The following SGCZ variants were observed in gnomAD, a reference collection of about 807,000 sequenced individuals.
SGCZ encodes zeta-sarcoglycan.
SGCZ carries 40 observed loss-of-function variants against 41.3 expected under a neutral mutation model. The observed-to-expected ratio is 0.97, with a 90% confidence interval of 0.75 to 1.26. The LOEUF (loss-of-function observed/expected upper bound fraction) is 1.26. Among genes scored for constraint, SGCZ ranks in the 50% most tolerant of loss-of-function variants. The probability of loss-of-function intolerance (pLI) is 0.00; values close to 1 mark genes in which losing one functional copy is unlikely to be tolerated. For missense variants in SGCZ, 552 were observed against 369.8 expected, an observed-to-expected ratio of 1.49 and a Z score of -4.04; for synonymous variants, 206 against 137.5, an observed-to-expected ratio of 1.50 and a Z score of -3.49.
intron 1 of SGCZ, among the ~76,000 whole-genome samples, chr8:14,787,299 G>C (rs185303636): frequency 4.9e-4 from 75 of 152,172 alleles, no homozygotes; most frequent in African/African-American, 1.7e-3. Flanking sequence ...TTAGAGTTGT[G>C]CAAACCTCCC....
chr8:14,343,201 A>G (rs370242401), intron 2 of SGCZ, among the ~76,000 whole-genome samples: 1 of 152,240 alleles, frequency 6.6e-6, no homozygotes, highest in Non-Finnish European at 1.5e-5. Context: ...CAGGGCCCTC[A>G]TGGAGAACCT....
chr8:15,175,017 T>A (rs1294551404), intron 1 of SGCZ, among the ~76,000 whole-genome samples: 1 of 151,218 alleles, frequency 6.6e-6, no homozygotes, highest in African/African-American at 2.4e-5. Flanking sequence ...AAAACCTAGA[T>A]GACAACTTGA....
At chr8:14,351,588 TATAG>T (rs1803096633) in intron 2 of SGCZ, among the ~76,000 whole-genome samples, 1 of 151,292 alleles carries the variant, frequency 6.6e-6, no homozygotes, top group African/African-American at 2.4e-5. Context: ...GTATATATTA[TATAG>T]GAAATTGTGA....
intron 1 of SGCZ, among the ~76,000 whole-genome samples, chr8:14,943,204 T>C (rs1261370226): frequency 6.6e-6 from 1 of 152,126 alleles, no homozygotes; most frequent in Non-Finnish European, 1.5e-5. Flanking sequence ...TTTCCAAAGA[T>C]AGAAAACACA....
At chr8:15,073,992 G>A (rs1434547471) in intron 1 of SGCZ, among the ~76,000 whole-genome samples, 1 of 152,202 alleles carries the variant, frequency 6.6e-6, no homozygotes, top group Non-Finnish European at 1.5e-5. Context: ...AAGCAAGGAT[G>A]ATAATAGTCC....
At chr8:14,303,784 T>A (rs932381434) in intron 3 of SGCZ, among the ~76,000 whole-genome samples, 2 of 152,034 alleles carry the variant, frequency 1.3e-5, no homozygotes, top group Non-Finnish European at 2.9e-5. Context: ...TATTGATATA[T>A]ATTGTCACCC....
intron 1 of SGCZ, among the ~76,000 whole-genome samples, chr8:14,680,844 G>A (rs1297640291): frequency 6.7e-6 from 1 of 150,334 alleles, no homozygotes; most frequent in Non-Finnish European, 1.5e-5. Flanking sequence ...CAGTGTCTTA[G>A]ATGAAATATA....
chr8:14,679,418 T>G (rs1001255100), intron 1 of SGCZ, among the ~76,000 whole-genome samples: 3 of 151,866 alleles, frequency 2.0e-5, no homozygotes, highest in Admixed American at 6.6e-5. Context: ...GACAGTGACA[T>G]TGATGATCCT....
chr8:14,223,003 G>T (rs571011967), intron 4 of SGCZ, among the ~76,000 whole-genome samples: 1 of 151,452 alleles, frequency 6.6e-6, no homozygotes, highest in South Asian at 2.1e-4. Flanking sequence ...GTAGAGACAG[G>T]GTTTCACCAT....
intron 2 of SGCZ, among the ~76,000 whole-genome samples, chr8:14,494,629 T>C (rs1365741709): frequency 6.6e-6 from 1 of 152,048 alleles, no homozygotes; most frequent in Non-Finnish European, 1.5e-5. Flanking sequence ...TACCAATACT[T>C]GCAACAGGCT....
At chr8:14,642,161 G>C (rs926007714) in intron 1 of SGCZ, among the ~76,000 whole-genome samples, 10 of 151,664 alleles carry the variant, frequency 6.6e-5, no homozygotes, top group African/African-American at 2.2e-4. Flanking sequence ...CATGGCTAAT[G>C]AGACAACTAA....
intron 1 of SGCZ, among the ~76,000 whole-genome samples, chr8:15,137,343 A>C (rs1307258949): frequency 6.6e-6 from 1 of 152,226 alleles, no homozygotes; most frequent in Non-Finnish European, 1.5e-5. Context: ...GCAATAAAAA[A>C]GAAAACCCCA....
intron 1 of SGCZ, among the ~76,000 whole-genome samples, chr8:14,725,125 C>T (rs1286161239): frequency 1.3e-5 from 2 of 152,154 alleles, no homozygotes; most frequent in Non-Finnish European, 2.9e-5. Context: ...TGGCTTATTT[C>T]ACTTAACATA....
intron 1 of SGCZ, among the ~76,000 whole-genome samples, chr8:14,963,361 CAG>C (rs1032630151): frequency 2.2e-4 from 33 of 148,540 alleles, no homozygotes; most frequent in African/African-American, 7.0e-4. Context: ...TGTTTGGAGA[CAG>C]AGTCTCACTC....
chr8:14,866,883 A>T (rs947688493), intron 1 of SGCZ, among the ~76,000 whole-genome samples: 11 of 152,188 alleles, frequency 7.2e-5, no homozygotes, highest in Admixed American at 5.9e-4. Context: ...TTGCAGTGGG[A>T]TAAAGCAGGA....
chr8:14,223,474 A>G (rs1400781212), intron 4 of SGCZ, among the ~76,000 whole-genome samples: 1 of 152,200 alleles, frequency 6.6e-6, no homozygotes, highest in East Asian at 1.9e-4. Flanking sequence ...AAGTAATTCA[A>G]TTAATAGAAT....
At chr8:14,160,695 G>C (rs1171904836) in intron 5 of SGCZ, among the ~76,000 whole-genome samples, 3 of 152,096 alleles carry the variant, frequency 2.0e-5, no homozygotes, top group African/African-American at 7.2e-5. Flanking sequence ...ATAGATGGTG[G>C]TGTTCAGGTA....
At chr8:14,174,236 A>G (rs1164593489) in intron 4 of SGCZ, among the ~76,000 whole-genome samples, 1 of 152,174 alleles carries the variant, frequency 6.6e-6, no homozygotes, top group Non-Finnish European at 1.5e-5. Flanking sequence ...CTATCAAACT[A>G]CATTAATCAA....
chr8:14,880,126 C>G (rs1804531589), intron 1 of SGCZ, among the ~76,000 whole-genome samples: 1 of 152,146 alleles, frequency 6.6e-6, no homozygotes, highest in Non-Finnish European at 1.5e-5. Context: ...CAGGCATGAG[C>G]CACTGCACCT....
Sources: gnomAD v4.1 joint callset for allele counts (sites outside exome capture counted in the v4.1 genomes callset) on GRCh38, gnomAD v4.1.1 for gene constraint, MANE v1.5 for transcripts, NCBI Gene and HGNC (gene_info 2026-07-23, HGNC 2026-07-21) for gene names.